The following ABCA4 variants were observed in gnomAD, a reference collection of about 807,000 sequenced individuals.
The protein encoded by ABCA4 is ATP binding cassette subfamily A member 4.
A neutral mutation model predicts 263.7 loss-of-function variants in ABCA4; 196 were observed. The ratio of observed to expected loss-of-function variants is 0.74; its 90% confidence interval spans 0.66 to 0.84. The LOEUF (loss-of-function observed/expected upper bound fraction) is 0.84. ABCA4 is among the 40% of genes least tolerant of loss of function. The pLI is 0.00. For synonymous variants in ABCA4, 1,133 were observed against 1,094.2 expected, an observed-to-expected ratio of 1.04 and a Z score of -0.70; for missense variants, 2,792 against 2,855.1, an observed-to-expected ratio of 0.98 and a Z score of 0.50.
intron 24 of ABCA4, among the ~76,000 whole-genome samples, chr1:94,037,683 A>G (rs1333193395): frequency 1.3e-5 from 2 of 152,070 alleles, no homozygotes; most frequent in Admixed American, 6.5e-5. Context: ...CCCTCAAACT[A>G]TGTTATGTTG....
intron 8 of ABCA4, among the ~76,000 whole-genome samples, chr1:94,079,971 C>A (rs905326980): frequency 1.4e-5 from 2 of 141,252 alleles, no homozygotes; most frequent in Admixed American, 7.6e-5. Flanking sequence ...CCCACCCCAT[C>A]CTCCTTTACC....
At position 94,048,919 on chromosome 1, in the gene ABCA4, C is replaced by T. The variant is rs61749441; in HGVS notation, c.2692G>A (p.Glu898Lys). 274 of 1,614,078 alleles carry T rather than the reference C, an allele frequency of 1.7e-4. No homozygotes were observed. Among genetic ancestry groups the T allele is most frequent in the Middle Eastern group, 3.3e-4 (2 of 6,062 alleles). The change falls in exon 18 of 50, where the codon GAG becomes AAG. Residue 898 changes from glutamate to lysine, a missense_variant. Physicochemically the swap from Glu to Lys is moderately conservative, Grantham distance 56. Transcript: ENST00000370225. ...TCCTCCGTTTCCTCTGTTAGGGGCT[C>T]GGTCTTTTCCAGGGCTCTTTCTTCT... Reference protein sequence around the residue: ...TREERALEKTEPLTEETEDPE... With the variant: ...TREERALEKTKPLTEETEDPE...
At chr1:94,033,175 T>C (rs1557774060) in intron 26 of ABCA4, among the ~76,000 whole-genome samples, 1 of 152,130 alleles carries the variant, frequency 6.6e-6, no homozygotes, top group Admixed American at 6.5e-5. Flanking sequence ...ATCCCAGCAC[T>C]TTGGGAGGCC....
chr1:94,017,411 G>C (rs916934282), intron 36 of ABCA4, among the ~76,000 whole-genome samples: 1 of 152,170 alleles, frequency 6.6e-6, no homozygotes, highest in African/African-American at 2.4e-5. Context: ...CTCAGACCAA[G>C]GGACATTCTG....
intron 30 of ABCA4, among the ~76,000 whole-genome samples, chr1:94,025,402 G>A (rs184219158): frequency 1.0e-3 from 153 of 151,994 alleles, no homozygotes; most frequent in Non-Finnish European, 4.3e-4. Flanking sequence ...GCCAACTTCC[G>A]TTTTCCACCC....
intron 6 of ABCA4, among the ~76,000 whole-genome samples, chr1:94,086,685 C>T (rs1005898934): frequency 1.1e-4 from 17 of 152,106 alleles, no homozygotes; most frequent in African/African-American, 3.4e-4. Context: ...TCCAGAAGCA[C>T]GAAGACTTTA....
At chr1:94,101,051 G>A (rs1198165888) in intron 5 of ABCA4, among the ~76,000 whole-genome samples, 1 of 152,238 alleles carries the variant, frequency 6.6e-6, no homozygotes, top group East Asian at 1.9e-4. Context: ...CAGAGCATCA[G>A]CTCATCAGAG....
In ABCA4 at chr1:94,056,642, C is replaced by T. The variant is rs774505934; in HGVS notation, c.2341G>A (p.Ala781Thr). Reference protein sequence around the residue: ...TLYLPHILCFAWQDRMTAELK... With the variant: ...TLYLPHILCFTWQDRMTAELK... ...TCAGCGGTCATGCGGTCCTGCCAGG[C>T]GAAGCACAGGATGTGTGGCAGGTAG... Residue 781 changes from alanine (A) to threonine (T), a missense_variant, in exon 15 of 50, where the codon GCC becomes ACC. By Grantham distance (58) the Ala-to-Thr change is moderately conservative. Transcript: ENST00000370225. The T allele has an allele frequency of 7.9e-5, 127 of 1,613,684 alleles. No homozygotes were observed. Among genetic ancestry groups the T allele is most frequent in the Non-Finnish European group, 9.4e-5 (111 of 1,180,050 alleles).
chr1:94,040,977 G>C (rs1660469962), intron 23 of ABCA4, among the ~76,000 whole-genome samples: 1 of 152,146 alleles, frequency 6.6e-6, no homozygotes, highest in Non-Finnish European at 1.5e-5. Context: ...TGTGTAATCT[G>C]GCATGTAATA....
intron 19 of ABCA4, among the ~76,000 whole-genome samples, chr1:94,046,648 CT>C (rs1209794602): frequency 6.6e-6 from 1 of 152,032 alleles, no homozygotes; most frequent in Non-Finnish European, 1.5e-5. Context: ...GCCATGACAA[CT>C]TGGTGGCTTC....
At chr1:94,095,299 T>G (rs1365774158) in intron 6 of ABCA4, among the ~76,000 whole-genome samples, 1 of 150,656 alleles carries the variant, frequency 6.6e-6, no homozygotes, top group East Asian at 2.0e-4. Flanking sequence ...CCCCTCCGAT[T>G]CTCTGGGCTC....
intron 44 of ABCA4, among the ~76,000 whole-genome samples, chr1:94,003,022 T>C (rs554672181): frequency 5.6e-4 from 85 of 152,318 alleles, no homozygotes; most frequent in South Asian, 1.7e-3. Flanking sequence ...TGTGACCCAT[T>C]TGAGGGTAAA....
At chr1:94,111,636 C>T in intron 2 of ABCA4, 57 bp from the exon 3 acceptor site, 2 of 1,606,484 alleles carry the variant, frequency 1.2e-6, no homozygotes, top group Non-Finnish European at 1.7e-6. Context: ...AAGCAGGATG[C>T]AGACCTAGGA....
intron 15 of ABCA4, 51 bp downstream of exon 15, chr1:94,056,550 A>T: frequency 6.3e-7 from 1 of 1,578,658 alleles, no homozygotes; most frequent in Non-Finnish European, 8.7e-7. Flanking sequence ...ACTGCTACGG[A>T]CCCTTCCAAG....
intron 36 of ABCA4, chr1:94,018,717 G>A (rs1659810772): frequency 4.8e-6 from 2 of 413,304 alleles, no homozygotes; most frequent in Non-Finnish European, 9.5e-6. Flanking sequence ...AATAAATTGG[G>A]GTTGATGTCA....
At chr1:94,072,051 T>A (rs1398843461) in intron 11 of ABCA4, among the ~76,000 whole-genome samples, 2 of 152,240 alleles carry the variant, frequency 1.3e-5, no homozygotes, top group African/African-American at 4.8e-5. Flanking sequence ...TTAATCCTAT[T>A]TTTTCTTAGG....
Position 94,031,968 on chromosome 1 carries a change from G to A in ABCA4, c.3938C>T (p.Thr1313Ile). ...CLGPREKAGQ[T>I]PQDSNVCSPG... Reference sequence around the variant, plus strand: ...GGAGCAGACATTGGAGTCCTGGGGTGTCTGTCCAGCCTTCTCTCTGGGACC... The same window carrying A: ...GGAGCAGACATTGGAGTCCTGGGGTATCTGTCCAGCCTTCTCTCTGGGACC... The change falls in exon 27 of 50, where the codon ACA (threonine) becomes ATA (isoleucine). Residue 1313 changes from threonine to isoleucine, a missense_variant. Coordinates refer to ENST00000370225, the MANE Select transcript of ABCA4 (RefSeq NM_000350.3). 1 of 1,614,108 alleles carries A rather than the reference G, an allele frequency of 6.2e-7. No homozygotes were observed. The highest frequency in any genetic ancestry group is 1.3e-5 in the African/African-American group (1 of 75,036).
chr1:94,036,996 G>A (rs1557775618), intron 25 of ABCA4, 149 bp downstream of exon 25: 1 of 943,338 alleles, frequency 1.1e-6, no homozygotes, highest in Non-Finnish European at 1.7e-6. Flanking sequence ...CAGAGATGGG[G>A]GAACTATGCC....
chr1:94,104,662 T>C (rs570926), intron 4 of ABCA4, among the ~76,000 whole-genome samples: 59,677 of 152,084 alleles, frequency 0.39, 11,848 homozygotes, highest in Admixed American at 0.45. Context: ...CTCACAGTAA[T>C]GGGTTCCCTG....
Sources: gnomAD v4.1 joint callset for allele counts (sites outside exome capture counted in the v4.1 genomes callset) on GRCh38, gnomAD v4.1.1 for gene constraint, MANE v1.5 for transcripts, NCBI Gene and HGNC (gene_info 2026-07-23, HGNC 2026-07-21) for gene names.